The following NF2 variants were observed in gnomAD, a reference collection of about 807,000 sequenced individuals.
NF2 encodes the protein NF2, moesin-ezrin-radixin like (MERLIN) tumor suppressor.
Under a neutral mutation model 83.7 loss-of-function variants are expected in NF2, and 8 were observed. The ratio of observed to expected loss-of-function variants is 0.10; its 90% CI spans 0.06 to 0.17. The LOEUF (loss-of-function observed/expected upper bound fraction) is 0.17, where lower values mean the gene tolerates loss of function less well. Among genes scored for constraint, NF2 ranks in the 10% least tolerant of loss-of-function variants. The probability of loss-of-function intolerance (pLI) is 1.00; values close to 1 mark genes in which losing one functional copy is unlikely to be tolerated. For missense variants in NF2, 533 were observed against 744.4 expected, an observed-to-expected ratio of 0.72 and a Z score of 3.31; for synonymous variants, 266 against 269.6, an observed-to-expected ratio of 0.99 and a Z score of 0.13.
At chr22:29,637,025 G>T in intron 2 of NF2, 149 bp downstream of exon 2, 1 of 1,163,136 alleles carries the variant, frequency 8.6e-7, no homozygotes, top group Non-Finnish European at 1.3e-6. Flanking sequence ...AAAGCAGGAC[G>T]TAGAGATGCT....
At chr22:29,621,640 G>A (rs1287382431) in intron 1 of NF2, among the ~76,000 whole-genome samples, 1 of 151,958 alleles carries the variant, frequency 6.6e-6, no homozygotes, top group African/African-American at 2.4e-5. Flanking sequence ...CTGCACTCCA[G>A]CCTGGGTGAC....
chr22:29,643,096 C>T (rs1181088182), intron 4 of NF2, among the ~76,000 whole-genome samples: 2 of 151,990 alleles, frequency 1.3e-5, no homozygotes, highest in East Asian at 3.8e-4. Flanking sequence ...AAGATGTTGT[C>T]CCCAGAATTG....
At chr22:29,665,778 A>G (rs939715942) in intron 9 of NF2, among the ~76,000 whole-genome samples, 3 of 151,488 alleles carry the variant, frequency 2.0e-5, no homozygotes, top group African/African-American at 7.3e-5. Flanking sequence ...AAAGAAAAAG[A>G]AAAAGGAAAA....
At position 29,603,886 on chromosome 22, in the gene NF2, C is replaced by T; in HGVS notation, c.-113C>T. On this transcript the variant is annotated 5_prime_UTR_variant, in exon 1 of 16. Coordinates refer to ENST00000338641, the MANE Select transcript of NF2 (RefSeq NM_000268.4). The stretch of plus-strand genomic sequence containing the variant: ...CGCGCAGCCCAGACCGTTCCCGGGC[C>T]GGGCAGCCGGCCACCATGGTGGCCC... 2 of 793,438 alleles carry T rather than the reference C, an allele frequency of 2.5e-6. No homozygotes were observed. The highest frequency in any genetic ancestry group is 4.0e-6 in the Non-Finnish European group (2 of 500,306). The allele number at this position is 793,438 out of a possible 1,614,324, so 49.1% of individuals were successfully genotyped here. A position where few individuals can be genotyped will look rare whatever the true frequency, so the allele number is the denominator to read the frequency against.
chr22:29,680,253 AG>A, intron 14 of NF2, among the ~76,000 whole-genome samples: 1 of 152,188 alleles, frequency 6.6e-6, no homozygotes, highest in South Asian at 2.1e-4. Flanking sequence ...CTGGGATTAC[AG>A]GCGCATGCTA....
chr22:29,678,789 G>C (rs975246657), intron 14 of NF2, among the ~76,000 whole-genome samples: 1 of 152,254 alleles, frequency 6.6e-6, no homozygotes, highest in Non-Finnish European at 1.5e-5. Flanking sequence ...GACAGCTGGT[G>C]GGGCCACTTT....
chr22:29,692,163 C>G (rs907144429), intron 15 of NF2, among the ~76,000 whole-genome samples: 7 of 152,156 alleles, frequency 4.6e-5, no homozygotes, highest in Non-Finnish European at 8.8e-5. Flanking sequence ...GCAGCCAGGT[C>G]GTGGCTGCCT....
rs578151351 is a variant in NF2 at position 29,624,505 on chromosome 22, G to A, written c.115-12246G>A. ...TTACAGGTGTGAGCCAACGTGCCTG[G>A]CCAGGGTTGTTTTGAGACATGAATG... On this transcript the variant is annotated intron_variant, in intron 1 of 15. Coordinates refer to ENST00000338641, the MANE Select transcript of NF2 (RefSeq NM_000268.4). 2.0e-5 allele frequency among the ~76,000 whole-genome samples: 3 copies of A among 152,290 alleles called. No individual in the cohort carries two copies. In the South Asian group the frequency reaches 6.2e-4, roughly 32 times the overall value.
intron 1 of NF2, among the ~76,000 whole-genome samples, chr22:29,612,474 G>A (rs946681012): frequency 2.6e-5 from 4 of 151,138 alleles, no homozygotes; most frequent in South Asian, 2.1e-4. Flanking sequence ...AGGCATGCGC[G>A]ATCATCCCTA....
At chr22:29,638,152 T>C (rs906920787) in intron 2 of NF2, among the ~76,000 whole-genome samples, 1 of 152,152 alleles carries the variant, frequency 6.6e-6, no homozygotes, top group South Asian at 2.1e-4. Flanking sequence ...GAGCAGATGG[T>C]TCAAGCTTTA....
intron 1 of NF2, among the ~76,000 whole-genome samples, chr22:29,625,494 C>T (rs2065344524): frequency 6.6e-6 from 1 of 152,180 alleles, no homozygotes; most frequent in Non-Finnish European, 1.5e-5. Flanking sequence ...GTTTTAAAAA[C>T]CCAGAATTGA....
intron 15 of NF2, among the ~76,000 whole-genome samples, chr22:29,684,743 T>G (rs907557609): frequency 6.6e-6 from 1 of 152,196 alleles, no homozygotes; most frequent in Non-Finnish European, 1.5e-5. Flanking sequence ...AGGGACTTGA[T>G]GTTTAATGGG....
intron 1 of NF2, among the ~76,000 whole-genome samples, chr22:29,611,508 G>A (rs915485207): frequency 2.0e-5 from 3 of 152,110 alleles, no homozygotes; most frequent in Admixed American, 2.0e-4. Flanking sequence ...TAGGCTGGGC[G>A]ACAGAGCTCA....
At chr22:29,649,051 G>GATATATATTCAATATAT (rs1176530309) in intron 4 of NF2, among the ~76,000 whole-genome samples, 1 of 151,960 alleles carries the variant, frequency 6.6e-6, no homozygotes, top group Non-Finnish European at 1.5e-5. Flanking sequence ...TGCATCTTTG[G>GATATATATTCAATATAT]GCATATATGG....
chr22:29,664,763 T>C (rs1241264941), intron 8 of NF2, among the ~76,000 whole-genome samples: 1 of 152,224 alleles, frequency 6.6e-6, no homozygotes, highest in Non-Finnish European at 1.5e-5. Flanking sequence ...CCCACACTCA[T>C]GCCTAAGATG....
At chr22:29,663,740 G>A (rs2066540128) in intron 8 of NF2, among the ~76,000 whole-genome samples, 1 of 152,216 alleles carries the variant, frequency 6.6e-6, no homozygotes, top group African/African-American at 2.4e-5. Context: ...AATATAACGT[G>A]TGAAAGAAAT....
At chr22:29,608,048 CT>C (rs1343010730) in intron 1 of NF2, among the ~76,000 whole-genome samples, 1 of 151,020 alleles carries the variant, frequency 6.6e-6, no homozygotes, top group African/African-American at 2.4e-5. Flanking sequence ...TGGCCGGCAC[CT>C]GTAGTCCCAG....
intron 5 of NF2, 147 bp from the exon 6 acceptor site, chr22:29,655,447 C>T (rs2146970866): frequency 1.4e-6 from 1 of 697,802 alleles, no homozygotes; most frequent in South Asian, 1.7e-5. Context: ...ATTTACACGC[C>T]CTCTCTCTGT....
chr22:29,659,819 T>A (rs1227695420), intron 7 of NF2, among the ~76,000 whole-genome samples: 1 of 152,166 alleles, frequency 6.6e-6, no homozygotes, highest in African/African-American at 2.4e-5. Flanking sequence ...GTACTGCAGA[T>A]GTAAAAGTAC....
Sources: gnomAD v4.1 joint callset for allele counts (sites outside exome capture counted in the v4.1 genomes callset) on GRCh38, gnomAD v4.1.1 for gene constraint, MANE v1.5 for transcripts, NCBI Gene and HGNC (gene_info 2026-07-23, HGNC 2026-07-21) for gene names.